The following ARHGEF1 variants were observed in gnomAD, a reference collection of about 807,000 sequenced individuals.
ARHGEF1 encodes the protein Rho guanine nucleotide exchange factor 1.
In ARHGEF1, 40 loss-of-function variants were observed where a neutral mutation model predicts 119.7. The ratio of observed to expected loss-of-function variants is 0.33; its 90% CI spans 0.26 to 0.44. The LOEUF is 0.44. Among genes scored for constraint, ARHGEF1 ranks in the 20% least tolerant of loss-of-function variants. The probability of loss-of-function intolerance (pLI) is 1.00; values close to 1 mark genes in which losing one functional copy is unlikely to be tolerated. For missense variants in ARHGEF1, 976 were observed against 1,268.3 expected (o/e 0.77, Z 3.50); for synonymous variants, 494 against 521.0 (o/e 0.95, Z 0.71).
chr19:41,888,289 G>T lies in ARHGEF1; in HGVS notation c.111+11G>T. On this transcript the variant is annotated intron_variant, in intron 3 of 28. Coordinates refer to ENST00000354532, the MANE Select transcript of ARHGEF1 (RefSeq NM_004706.4). This position sits in a 1 kb window ranked among gnomAD's most constrained non-coding sequence, Gnocchi z 5.1. ...AACGAGCTGGAGACAGTGAGTGGGAGATAGGGTGGAAAAGCTCTGTCCCAG... is the reference window on the plus strand; with the variant it reads ...AACGAGCTGGAGACAGTGAGTGGGATATAGGGTGGAAAAGCTCTGTCCCAG... 6.2e-7 allele frequency: 1 copy of T among 1,613,136 alleles called. No homozygotes were observed. Among genetic ancestry groups the T allele is most frequent in the Non-Finnish European group, 8.5e-7 (1 of 1,179,768 alleles).
In ARHGEF1 at chr19:41,892,072, G is replaced by A. The variant is rs1194142946; in HGVS notation, c.273G>A (p.Glu91=). Residue 91 remains glutamate (E), a synonymous_variant, in exon 5 of 29, where the codon GAG becomes GAA. Transcript: ENST00000354532. This position sits in a 1 kb window ranked among gnomAD's most constrained non-coding sequence, Gnocchi z 6.3. The part of the protein sequence containing the change: ...ADMLGSLGPK[E]AKKAFLDFYH... ...TGCTGGGCTCACTGGGCCCCAAGGA[G>A]GCCAAGAAGGCCTTCCTGGACTTCT... 1 of 1,613,110 alleles carries A rather than the reference G, an allele frequency of 6.2e-7. No homozygotes were observed. Among genetic ancestry groups the A allele is most frequent in the Non-Finnish European group, 8.5e-7 (1 of 1,179,452 alleles).
upstream of ARHGEF1, among the ~76,000 whole-genome samples, chr19:41,920,651 A>G (rs2074836780): frequency 6.6e-6 from 1 of 152,256 alleles, no homozygotes; most frequent in African/African-American, 2.4e-5. Context: ...AGGAGCACGC[A>G]TGTCTACACA....
rs1304893588 is a variant in ARHGEF1, at chr19:41,903,044, A to G, written c.1738+146A>G. 13 of 740,318 alleles carry G rather than the reference A, an allele frequency of 1.8e-5. No homozygotes were observed. The African/African-American group carries it at 2.1e-4, about 12-fold the overall frequency. The allele number at this position is 740,318 out of a possible 1,614,324, so 45.9% of individuals were successfully genotyped here. A position where few individuals can be genotyped will look rare whatever the true frequency, so the allele number is the denominator to read the frequency against. On this transcript the variant is annotated intron_variant, in intron 18 of 28. Coordinates refer to ENST00000354532, the MANE Select transcript of ARHGEF1 (RefSeq NM_004706.4). This position sits in a 1 kb window ranked among gnomAD's most constrained non-coding sequence, Gnocchi z 4.2. Reference sequence around the variant, plus strand: ...ACCATCCTCCCACCTCAGCTCCCCAAGTAGCTGGGACCCCAAGGGCACACC... The same window carrying G: ...ACCATCCTCCCACCTCAGCTCCCCAGGTAGCTGGGACCCCAAGGGCACACC...
intron 1 of ARHGEF1, chr19:41,884,314 C>T (rs544921366): frequency 6.1e-6 from 7 of 1,149,422 alleles, no homozygotes; most frequent in East Asian, 2.6e-5. Flanking sequence ...GTAGAGTCGT[C>T]GGGGCCGGAG....
At chr19:41,918,329 A>T (rs2074814780), upstream of ARHGEF1, among the ~76,000 whole-genome samples, 1 of 150,566 alleles carries the variant, frequency 6.6e-6, no homozygotes, top group Admixed American at 6.6e-5. Context: ...ACATACACAC[A>T]CACGGTACAC....
rs566858646 is a variant in ARHGEF1 at position 41,883,787 on chromosome 19, T to C, written c.-20+498T>C. ...TGAAGCTGAAAGTTGCAGAGTGCAT[T>C]TGAAAGAGTTTTCGGAAAGCTCTTT... On this transcript the variant is annotated intron_variant, in intron 1 of 28. Transcript: ENST00000354532. This position sits in a 1 kb window ranked among gnomAD's most constrained non-coding sequence, Gnocchi z 7.6. Among the ~76,000 whole-genome samples, 1 of 152,324 alleles carries C rather than the reference T, an allele frequency of 6.6e-6. No homozygotes were observed. The highest frequency in any genetic ancestry group is 6.5e-5 in the Admixed American group (1 of 15,304).
rs1204721837 is a variant in ARHGEF1, at chr19:41,888,230, C to A, written c.63C>A (p.Val21=). The change falls in exon 3 of 29, where the codon GTC becomes GTA. Residue 21 remains valine, a synonymous_variant. Coordinates refer to ENST00000354532, the MANE Select transcript of ARHGEF1 (RefSeq NM_004706.4). The surrounding 1 kb of genome is among the most constrained non-coding windows in gnomAD (Gnocchi z 5.1). ...PGPSRPGLVP[V]SIIGAEDEDF... is the part of the protein sequence containing the mutation. Reference sequence around the variant, plus strand: ...CCTCCCGGCCTGGCCTGGTTCCCGTCAGCATCATCGGGGCTGAGGATGAGG... The same window carrying A: ...CCTCCCGGCCTGGCCTGGTTCCCGTAAGCATCATCGGGGCTGAGGATGAGG... The A allele has an allele frequency of 3.1e-6, 5 of 1,614,108 alleles. No homozygotes were observed. Among genetic ancestry groups the A allele is most frequent in the Non-Finnish European group, 4.2e-6 (5 of 1,180,000 alleles).
chr19:41,929,001 A>G (rs782367369), intron 2 of ARHGEF1: 2 of 432,386 alleles, frequency 4.6e-6, no homozygotes, highest in Non-Finnish European at 4.7e-6. Flanking sequence ...GACAGTGCAA[A>G]CACACACTCA....
intron 18 of ARHGEF1, among the ~76,000 whole-genome samples, chr19:41,914,578 TCTCCCTCCCTTTCC>T (rs2145889626): frequency 4.3e-5 from 4 of 93,566 alleles, no homozygotes; most frequent in Admixed American, 3.4e-4. Flanking sequence ...TGTCTCCGTC[TCTCCCTCCCTTTCC>T]ACCATCTCTG....
At chr19:41,909,287 G>A, downstream of ARHGEF1, 1 of 1,233,798 alleles carries the variant, frequency 8.1e-7, no homozygotes. The surrounding 1 kb of genome is among the most constrained non-coding windows in gnomAD (Gnocchi z 5.2). Flanking sequence ...TCAGGGGTGA[G>A]GGGAGGAGCA....
At chr19:41,919,739 T>C (rs2074827060), upstream of ARHGEF1, among the ~76,000 whole-genome samples, 1 of 152,076 alleles carries the variant, frequency 6.6e-6, no homozygotes. Context: ...ACTCACTTGG[T>C]CCTTCCACCC....
At position 41,888,346 on chromosome 19, in the gene ARHGEF1, C is replaced by T. The variant is rs1402811631; in HGVS notation, c.111+68C>T. On this transcript the variant is annotated intron_variant, in intron 3 of 28. Transcript: ENST00000354532. The surrounding 1 kb of genome is among the most constrained non-coding windows in gnomAD (Gnocchi z 5.1). ...TGTCCCGCCCCAGGTCCCCTCCCAC[C>T]TGCAGATGCTGTCTTCTTGGCCTTT... is the stretch of plus-strand genomic sequence containing the variant. 3 of 1,467,514 alleles carry T rather than the reference C, an allele frequency of 2.0e-6. No individual in the cohort carries two copies. The highest frequency in any genetic ancestry group is 3.4e-5 in the Admixed American group (2 of 58,868). The allele number at this position is 1,467,514 out of a possible 1,614,324, so 90.9% of individuals were successfully genotyped here. A position where few individuals can be genotyped will look rare whatever the true frequency, so the allele number is the denominator to read the frequency against.
At chr19:41,897,665 C>G in intron 13 of ARHGEF1, 1 of 290,194 alleles carries the variant, frequency 3.4e-6, no homozygotes, top group Non-Finnish European at 6.5e-6. Flanking sequence ...ACTCTCTCCT[C>G]TCTTCTGTTG....
At chr19:41,929,909 C>T (rs1384126756) in exon 3 of ARHGEF1, 1 of 152,210 alleles carries the variant, frequency 6.6e-6, no homozygotes, top group Non-Finnish European at 1.5e-5. Context: ...AAGGTTCAGC[C>T]TCACTCCCGC....
chr19:41,905,642 C>T lies in ARHGEF1; in HGVS notation c.2337-118C>T, dbSNP rs142187903. ...TCTCTGTCTCCCTGTCTCCCGGCCT[C>T]GACCTCTGTCTCTGTCTCCGGACCT... On this transcript the variant is annotated intron_variant, in intron 24 of 28. Transcript: ENST00000354532. This position sits in a 1 kb window ranked among gnomAD's most constrained non-coding sequence, Gnocchi z 6.4. 1,374 of 1,050,442 alleles carry T rather than the reference C, an allele frequency of 1.3e-3. No individual in the cohort carries two copies. The highest frequency in any genetic ancestry group is 2.0e-3 in the Admixed American group (94 of 46,364). 65.1% of individuals were successfully genotyped at this position (1,050,442 alleles called of 1,614,324 possible).
downstream of ARHGEF1, chr19:41,907,946 C>T: frequency 2.8e-6 from 1 of 361,616 alleles, no homozygotes; most frequent in Non-Finnish European, 4.9e-6. Flanking sequence ...GCGGGCGGGG[C>T]AGGCTGGGCG....
chr19:41,907,561 T>A (rs1267402113), downstream of ARHGEF1: 7 of 613,732 alleles, frequency 1.1e-5, no homozygotes. Context: ...CCTCCAGTTG[T>A]TCATTCATTC....
At chr19:41,927,764 C>T (rs1164920760) in intron 1 of ARHGEF1, among the ~76,000 whole-genome samples, 2 of 152,174 alleles carry the variant, frequency 1.3e-5, no homozygotes, top group African/African-American at 4.8e-5. Flanking sequence ...GACCCCATCT[C>T]CGTGGCTCTC....
chr19:41,893,368 AC>A (rs2074410165), intron 8 of ARHGEF1, 65 bp downstream of exon 8: 2 of 1,342,632 alleles, frequency 1.5e-6, no homozygotes, highest in Admixed American at 4.4e-5. Flanking sequence ...GAGGGCCTGG[AC>A]TCCTGGGTCT....
Sources: allele counts gnomAD v4.1 joint callset (sites outside exome capture counted in the v4.1 genomes callset), GRCh38; gene constraint gnomAD v4.1.1; non-coding constraint Gnocchi (gnomAD v3.1); transcripts MANE v1.5; gene names NCBI Gene and HGNC (gene_info 2026-07-23, HGNC 2026-07-21).